FCHO1: variants seen among roughly 807,000 people sequenced by gnomAD.
FCHO1 encodes F-BAR domain only protein 1.
FCHO1 carries 45 observed loss-of-function variants against 114.4 expected under a neutral mutation model. That is an observed-to-expected ratio of 0.39 (90% CI 0.31 to 0.50). The LOEUF (loss-of-function observed/expected upper bound fraction) is 0.50, where lower values mean the gene tolerates loss of function less well. FCHO1 is among the 20% of genes least tolerant of loss of function. The probability of loss-of-function intolerance (pLI) is 0.77; values close to 1 mark genes in which losing one functional copy is unlikely to be tolerated. For missense variants in FCHO1, 1,042 were observed against 1,209.6 expected (o/e 0.86, Z 2.06); for synonymous variants, 480 against 488.9 (o/e 0.98, Z 0.24).
At chr19:17,759,671 G>A (rs1043801058) in intron 4 of FCHO1, among the ~76,000 whole-genome samples, 5 of 151,890 alleles carry the variant, frequency 3.3e-5, no homozygotes, top group East Asian at 1.9e-4. Flanking sequence ...GGTGGTTCAC[G>A]CCTGTAATCC....
chr19:17,766,201 G>C (rs1163733266), intron 6 of FCHO1, among the ~76,000 whole-genome samples: 2 of 144,662 alleles, frequency 1.4e-5, no homozygotes, highest in East Asian at 4.0e-4. Context: ...TTTTGAGATG[G>C]AGTCTCGCTG....
At chr19:17,762,725 T>G (rs1292057542) in intron 4 of FCHO1, 37 bp from the exon 5 acceptor site, 4 of 1,470,060 alleles carry the variant, frequency 2.7e-6, no homozygotes, top group Non-Finnish European at 3.8e-6. Context: ...TGATGTTCTC[T>G]CCATCCTTTC....
intron 5 of FCHO1, among the ~76,000 whole-genome samples, chr19:17,763,814 C>G (rs569065014): frequency 9.2e-4 from 140 of 152,154 alleles, no homozygotes; most frequent in Non-Finnish European, 1.7e-3. Context: ...CCTCCTGCCT[C>G]GGCCTCCCAA....
rs752812653 is a variant in FCHO1 at position 17,762,744 on chromosome 19, T to C, written c.28-18T>C. The C allele has an allele frequency of 5.7e-6, 9 of 1,581,866 alleles. No individual in the cohort carries two copies. The South Asian group carries it at 8.8e-5, about 16-fold the overall frequency. ...GTTCTCTCCATCCTTTCTCAATCTC[T>C]ATTCCCATCCCCTGCAGGGCGAGAA... is the stretch of plus-strand genomic sequence containing the variant. On this transcript the variant is annotated intron_variant, in intron 4 of 28. Coordinates refer to ENST00000596536, the MANE Select transcript of FCHO1 (RefSeq NM_015122.3).
At position 17,774,448 on chromosome 19, in the gene FCHO1, G is replaced by A. The variant is rs753703695; in HGVS notation, c.890G>A (p.Arg297Gln). 6.2e-6 allele frequency: 10 copies of A among 1,613,504 alleles called. No homozygotes were observed. The highest frequency in any genetic ancestry group is 2.2e-5 in the East Asian group (1 of 44,882). ...KAFRLPGLSRREREPEPPAAV... is the reference protein window; with the variant it reads ...KAFRLPGLSRQEREPEPPAAV... ...TTTCGCCTTCCAGGACTAAGCCGGC[G>A]GGAGCGGGAGCCAGAGCCACCTGCA... Residue 297 changes from arginine to glutamine, a missense_variant, in exon 13 of 29, where the codon CGG (arginine) becomes CAG (glutamine). Arg to Gln is a conservative substitution (Grantham distance 43). Coordinates refer to ENST00000596536, the MANE Select transcript of FCHO1 (RefSeq NM_015122.3).
intron 7 of FCHO1, among the ~76,000 whole-genome samples, chr19:17,767,237 A>G (rs896427498): frequency 2.0e-5 from 3 of 151,852 alleles, no homozygotes; most frequent in Non-Finnish European, 2.9e-5. Flanking sequence ...GCACGCCACC[A>G]TGCCTGGCTA....
At chr19:17,766,269 C>T (rs1009976070) in intron 6 of FCHO1, among the ~76,000 whole-genome samples, 9 of 148,260 alleles carry the variant, frequency 6.1e-5, no homozygotes, top group Non-Finnish European at 1.0e-4. Flanking sequence ...CTCCACCTCC[C>T]GGGTTCAAGC....
intron 27 of FCHO1, 42 bp from the exon 28 acceptor site, chr19:17,787,640 G>C: frequency 6.6e-7 from 1 of 1,519,326 alleles, no homozygotes; most frequent in Non-Finnish European, 8.9e-7. Context: ...CAGCTGGGAC[G>C]GGGGCTGGTG....
chr19:17,767,909 A>C (rs2089979200), intron 7 of FCHO1, among the ~76,000 whole-genome samples: 1 of 152,230 alleles, frequency 6.6e-6, no homozygotes. Context: ...ACTCTTATAA[A>C]CCTAGAATCA....
At chr19:17,758,376 C>G (rs1389926232) in intron 4 of FCHO1, among the ~76,000 whole-genome samples, 4 of 152,114 alleles carry the variant, frequency 2.6e-5, no homozygotes, top group Non-Finnish European at 4.4e-5. Flanking sequence ...AGCTGGAGAG[C>G]TGATGGCGGG....
intron 13 of FCHO1, 119 bp from the exon 14 acceptor site, chr19:17,774,937 C>T: frequency 8.7e-7 from 1 of 1,149,786 alleles, no homozygotes; most frequent in Non-Finnish European, 1.3e-6. Context: ...CTAGGGCTAG[C>T]TCAGGGCAGT....
upstream of FCHO1, among the ~76,000 whole-genome samples, chr19:17,748,117 G>C (rs1034293026): frequency 3.3e-5 from 5 of 152,174 alleles, no homozygotes; most frequent in Non-Finnish European, 7.4e-5. Context: ...TCTAAGCCTA[G>C]GTCTGGGTTC....
chr19:17,787,654 G>A, intron 27 of FCHO1, 28 bp from the exon 28 acceptor site: 1 of 1,534,828 alleles, frequency 6.5e-7, no homozygotes, highest in Non-Finnish European at 8.8e-7. Flanking sequence ...GCTGGTGCCA[G>A]GGCGCAGCTG....
At chr19:17,754,009 G>A (rs532279795) in intron 1 of FCHO1, among the ~76,000 whole-genome samples, 1 of 152,182 alleles carries the variant, frequency 6.6e-6, no homozygotes, top group East Asian at 1.9e-4. Context: ...CACAGAGAGG[G>A]GCAGCCTTGC....
At chr19:17,759,673 C>T (rs2085296133) in intron 4 of FCHO1, among the ~76,000 whole-genome samples, 2 of 151,852 alleles carry the variant, frequency 1.3e-5, no homozygotes, top group Admixed American at 6.6e-5. Context: ...TGGTTCACGC[C>T]TGTAATCCCA....
At chr19:17,764,952 TA>T (rs1372818721) in intron 6 of FCHO1, among the ~76,000 whole-genome samples, 3 of 151,166 alleles carry the variant, frequency 2.0e-5, no homozygotes, top group African/African-American at 7.3e-5. Flanking sequence ...TAATCCCAGC[TA>T]CTCAGGAGGC....
rs754761786 is a variant in FCHO1, at chr19:17,770,420, C to T, written c.337-5C>T. ...CTACCCATGAAATCCCCTCCTACCC[C>T]GCAGTGCAAGGAGGAAGTGGTGAGC... On this transcript the variant is annotated splice_region_variant and splice_polypyrimidine_tract_variant and intron_variant, in intron 7 of 28. Coordinates refer to ENST00000596536, the MANE Select transcript of FCHO1 (RefSeq NM_015122.3). The T allele has an allele frequency of 7.5e-6, 12 of 1,606,148 alleles. No individual in the cohort carries two copies. Among genetic ancestry groups the T allele is most frequent in the Non-Finnish European group, 9.4e-6 (11 of 1,175,624 alleles).
At chr19:17,780,883 C>T (rs540323105) in intron 20 of FCHO1, among the ~76,000 whole-genome samples, 1 of 152,242 alleles carries the variant, frequency 6.6e-6, no homozygotes, top group African/African-American at 2.4e-5. Context: ...GTCAGGTTCT[C>T]GGAAAGGGTA....
At chr19:17,778,038 C>CAAAA in intron 18 of FCHO1, 99 bp from the exon 19 acceptor site, 5 of 679,032 alleles carry the variant, frequency 7.4e-6, no homozygotes, top group Non-Finnish European at 1.2e-5. Flanking sequence ...GACTCCGTCT[C>CAAAA]AAAAAAAAAA....
Sources: gnomAD v4.1 joint callset for allele counts (sites outside exome capture counted in the v4.1 genomes callset) on GRCh38, gnomAD v4.1.1 for gene constraint, MANE v1.5 for transcripts, NCBI Gene and HGNC (gene_info 2026-07-23, HGNC 2026-07-21) for gene names.